The following GNAL variants were observed in gnomAD, a reference collection of about 807,000 sequenced individuals.
GNAL encodes the protein G protein subunit alpha L.
Under a neutral mutation model 55.1 loss-of-function variants are expected in GNAL, and 18 were observed. The observed-to-expected ratio is 0.33, with a 90% confidence interval of 0.23 to 0.48. The LOEUF (loss-of-function observed/expected upper bound fraction) is 0.48. GNAL is among the 20% of genes least tolerant of loss of function. The pLI is 0.99. For missense variants in GNAL, 412 were observed against 614.1 expected, an observed-to-expected ratio of 0.67 and a Z score of 3.48; for synonymous variants, 253 against 237.0, an observed-to-expected ratio of 1.07 and a Z score of -0.62.
intron 4 of GNAL, among the ~76,000 whole-genome samples, chr18:11,770,647 G>A (rs1392152638): frequency 6.6e-6 from 1 of 151,960 alleles, no homozygotes; most frequent in Non-Finnish European, 1.5e-5. Flanking sequence ...CCACAGGAGT[G>A]TACCATTACC....
chr18:11,732,736 C>CG (rs2032367866), intron 1 of GNAL, among the ~76,000 whole-genome samples: 1 of 152,156 alleles, frequency 6.6e-6, no homozygotes, highest in South Asian at 2.1e-4. Flanking sequence ...GAGGGATAGA[C>CG]GGAGTGTTCA....
chr18:11,863,901 G>A lies in GNAL; in HGVS notation c.778-632G>A, dbSNP rs149656983. Among the ~76,000 whole-genome samples, 848 of 152,304 alleles carry A rather than the reference G, an allele frequency of 5.6e-3. 12 individuals carry two copies. The highest frequency in any genetic ancestry group is 0.019 in the African/African-American group (803 of 41,558). On this transcript the variant is annotated intron_variant, in intron 6 of 11. Transcript: ENST00000334049. ...TTTCACCCAAGCCAACAGAGCACCA[G>A]CAGGGATGTCCCTCTGGAATGCTGA...
Position 11,751,800 on chromosome 18 carries a change from C to A in GNAL, c.377-1053C>A. The A allele has an allele frequency of 3.1e-6, 1 of 326,508 alleles. No individual in the cohort carries two copies. The highest frequency in any genetic ancestry group is 4.4e-6 in the Non-Finnish European group (1 of 227,406). The allele number at this position is 326,508 out of a possible 1,614,324, so 20.2% of individuals were successfully genotyped here. ...CTCCGAGAGCTCCGGGACCAGCGGC[C>A]CGGCCGCCCCCAAAGCCAGCCTCCC... On this transcript the variant is annotated intron_variant, in intron 1 of 11. Coordinates refer to ENST00000334049, the MANE Select transcript of GNAL (RefSeq NM_182978.4). The surrounding 1 kb of genome is among the most constrained non-coding windows in gnomAD (Gnocchi z 4.5).
chr18:11,865,242 T>C (rs2036235617), intron 7 of GNAL, among the ~76,000 whole-genome samples: 1 of 148,754 alleles, frequency 6.7e-6, no homozygotes. Context: ...GGTTCGGGGC[T>C]CACTACTGCT....
At chr18:11,873,855 G>C (rs191281327) in intron 10 of GNAL, among the ~76,000 whole-genome samples, 11,868 of 152,134 alleles carry the variant, frequency 0.078, 565 homozygotes, top group Middle Eastern at 0.19. Flanking sequence ...CGGCCGGGGG[G>C]TCCTTCCAAC....
At chr18:11,739,117 T>C (rs1453199223) in intron 1 of GNAL, among the ~76,000 whole-genome samples, 1 of 152,202 alleles carries the variant, frequency 6.6e-6, no homozygotes, top group Non-Finnish European at 1.5e-5. Context: ...CACTTGGTGC[T>C]CAGATTCAGG....
chr18:11,810,427 C>G (rs1385348584), intron 4 of GNAL: 1 of 152,288 alleles, frequency 6.6e-6, no homozygotes, highest in Non-Finnish European at 1.5e-5. Context: ...AATTAGGACA[C>G]TATCAGCTAA....
chr18:11,808,152 G>A (rs2034714053), intron 4 of GNAL, among the ~76,000 whole-genome samples: 1 of 151,864 alleles, frequency 6.6e-6, no homozygotes, highest in African/African-American at 2.4e-5. Flanking sequence ...CTTTGGTTGA[G>A]TCACTCTGCA....
rs373020731 is a variant in GNAL, at chr18:11,884,435, C to T, written c.*3300C>T. On this transcript the variant is annotated 3_prime_UTR_variant, in exon 12 of 12. Transcript: ENST00000334049. ...TCTTGGGCTTTGATATTTATAATGG[C>T]GCCTGCTCTTCATCTTGTCTTACGC... 7 of 1,611,534 alleles carry T rather than the reference C, an allele frequency of 4.3e-6. No individual in the cohort carries two copies. The highest frequency in any genetic ancestry group is 1.1e-5 in the South Asian group (1 of 91,002).
chr18:11,854,615 C>G (rs1159586040), intron 5 of GNAL, among the ~76,000 whole-genome samples: 1 of 152,098 alleles, frequency 6.6e-6, no homozygotes, highest in Non-Finnish European at 1.5e-5. Context: ...AACCCCGCCT[C>G]TACTAAAAAT....
intron 11 of GNAL, among the ~76,000 whole-genome samples, chr18:11,877,649 C>T (rs1030924856): frequency 2.0e-5 from 3 of 152,076 alleles, no homozygotes; most frequent in Admixed American, 2.0e-4. Context: ...GGTAGTACTC[C>T]AAGTGCACTT....
intron 5 of GNAL, among the ~76,000 whole-genome samples, chr18:11,843,153 T>A (rs765884635): frequency 6.6e-6 from 1 of 151,372 alleles, no homozygotes; most frequent in Non-Finnish European, 1.5e-5. Context: ...ACTATGATTG[T>A]GCCACTGTAC....
chr18:11,689,894 G>C lies in GNAL; in HGVS notation c.331G>C (p.Asp111His), dbSNP rs747544979. 3 of 1,480,738 alleles carry C rather than the reference G, an allele frequency of 2.0e-6. No homozygotes were observed. Among genetic ancestry groups the C allele is most frequent in the Non-Finnish European group, 2.7e-6 (3 of 1,115,594 alleles). The allele number at this position is 1,480,738 out of a possible 1,614,324, so 91.7% of individuals were successfully genotyped here. ...VSRGIDRMLR[D>H]QKRDLQQTHR... ...CCGGGGCATCGACCGCATGCTGCGC[G>C]ACCAGAAGCGCGACCTGCAGCAGAC... The change falls in exon 1 of 12, where the codon GAC (aspartate) becomes CAC (histidine). Residue 111 changes from aspartate (D) to histidine (H), a missense_variant. Asp to His is a moderately conservative substitution (Grantham distance 81). This residue lies in a region of GNAL where 228 missense variants were observed against 194.8 expected (regional missense o/e 1.17). Coordinates refer to ENST00000334049, the MANE Select transcript of GNAL (RefSeq NM_182978.4).
chr18:11,874,037 C>T (rs1451247732), intron 10 of GNAL: 1 of 152,488 alleles, frequency 6.6e-6, no homozygotes, highest in Non-Finnish European at 1.5e-5. Flanking sequence ...TGAGACACAA[C>T]CTTACCTGCT....
At chr18:11,746,120 G>A in intron 1 of GNAL, 2 of 532,712 alleles carry the variant, frequency 3.8e-6, no homozygotes, top group South Asian at 2.8e-5. Context: ...TAAAAGTGGA[G>A]CCTTTTGTTC....
At position 11,741,582 on chromosome 18, in the gene GNAL, T is replaced by C. The variant is rs1228322614; in HGVS notation, c.377-11271T>C. Among the ~76,000 whole-genome samples the C allele has an allele frequency of 2.0e-5, 3 of 152,336 alleles. No homozygotes were observed. The East Asian group carries it at 5.8e-4, about 29-fold the overall frequency. The stretch of plus-strand genomic sequence containing the variant: ...AGGGACAATGTCTTATTTATCCTTA[T>C]AATGTCAAGGCATGGAAGTGTGCTA... On this transcript the variant is annotated intron_variant, in intron 1 of 11. Transcript: ENST00000334049.
In GNAL at chr18:11,752,198, T is replaced by TA. The variant is rs2032866896; in HGVS notation, c.377-650dup. 1 of 636,224 alleles carries TA rather than the reference T, an allele frequency of 1.6e-6. No homozygotes were observed. The highest frequency in any genetic ancestry group is 1.9e-5 in the African/African-American group (1 of 51,876). 39.4% of individuals were successfully genotyped at this position (636,224 alleles called of 1,614,324 possible). ...AGCAGATTTTGAAACAATTCTCGTG[T>TA]AAAAAGGCATTTTACTCCGCGCGTC... On this transcript the variant is annotated intron_variant, in intron 1 of 11. Transcript: ENST00000334049. This position sits in a 1 kb window ranked among gnomAD's most constrained non-coding sequence, Gnocchi z 4.5.
At chr18:11,805,104 A>G (rs2034621279) in intron 4 of GNAL, among the ~76,000 whole-genome samples, 2 of 131,392 alleles carry the variant, frequency 1.5e-5, no homozygotes, top group Admixed American at 8.2e-5. Context: ...TACAGGTGCA[A>G]TTTGAGTGGA....
At chr18:11,704,290 A>C (rs1442676635) in intron 1 of GNAL, among the ~76,000 whole-genome samples, 1 of 152,216 alleles carries the variant, frequency 6.6e-6, no homozygotes, top group African/African-American at 2.4e-5. Flanking sequence ...CCTGGATCAC[A>C]CAGTGTATTT....
Sources: gnomAD v4.1 joint callset for allele counts (sites outside exome capture counted in the v4.1 genomes callset) on GRCh38, gnomAD v4.1.1 for gene constraint, gnomAD v4.1.1 regional missense constraint, Gnocchi (gnomAD v3.1) non-coding constraint, MANE v1.5 for transcripts, NCBI Gene and HGNC (gene_info 2026-07-23, HGNC 2026-07-21) for gene names.